THADA: variants seen among roughly 807,000 people sequenced by gnomAD.
THADA encodes THADA armadillo repeat containing, also known as tRNA (32-2'-O)-methyltransferase regulator THADA.
A neutral mutation model predicts 219.8 loss-of-function variants in THADA; 213 were observed. That is an observed-to-expected ratio of 0.97 (90% CI 0.87 to 1.09). The LOEUF is 1.09. Ranked by LOEUF, THADA falls within the 50% of genes least tolerant of loss-of-function variation. The pLI is 0.00. For missense variants in THADA, 2,956 were observed against 2,311.3 expected, an observed-to-expected ratio of 1.28 and a Z score of -5.72; for synonymous variants, 1,018 against 828.9, an observed-to-expected ratio of 1.23 and a Z score of -3.92.
Position 43,333,985 on chromosome 2 carries a change from GCT to G in THADA, c.4343+10135_4343+10136del, listed in dbSNP as rs533710626. ...TAAATTTGGTGGTGAGAAAATAAAT[GCT>G]GTTTTCAGCTGTTGTAAAGCAAAAT... is the stretch of plus-strand genomic sequence containing the variant. On this transcript the variant is annotated intron_variant, in intron 30 of 37. Transcript: ENST00000405975. 1.3e-3 allele frequency among the ~76,000 whole-genome samples: 199 copies of G among 152,292 alleles called. 1 individual carries two copies. The highest frequency in any genetic ancestry group is 4.5e-3 in the African/African-American group (188 of 41,568).
At chr2:43,453,817 A>G (rs1682657958) in intron 26 of THADA, among the ~76,000 whole-genome samples, 1 of 152,234 alleles carries the variant, frequency 6.6e-6, no homozygotes, top group South Asian at 2.1e-4. Flanking sequence ...AAAATCGTTT[A>G]AAGACTGAAG....
chr2:43,328,282 C>G (rs1463786037), intron 30 of THADA, among the ~76,000 whole-genome samples: 3 of 152,170 alleles, frequency 2.0e-5, no homozygotes, highest in African/African-American at 7.2e-5. Context: ...CATGCAGGGC[C>G]AGCTGGCAGA....
chr2:43,558,848 T>G (rs1697712686), intron 16 of THADA, among the ~76,000 whole-genome samples: 1 of 152,220 alleles, frequency 6.6e-6, no homozygotes, highest in African/African-American at 2.4e-5. Flanking sequence ...TTCCTTTAAC[T>G]ATTTTACTAA....
intron 30 of THADA, among the ~76,000 whole-genome samples, chr2:43,327,858 T>C (rs1358836495): frequency 6.6e-6 from 1 of 152,236 alleles, no homozygotes; most frequent in Admixed American, 6.5e-5. Flanking sequence ...ATACGCTGAA[T>C]GGCTGTCTGA....
intron 32 of THADA, 108 bp downstream of exon 32, chr2:43,292,726 C>T: frequency 1.4e-6 from 2 of 1,380,788 alleles, no homozygotes; most frequent in Non-Finnish European, 2.0e-6. Context: ...CTTCCTATTG[C>T]CCCTGGAGAG....
intron 29 of THADA, among the ~76,000 whole-genome samples, chr2:43,348,823 C>T (rs1667935057): frequency 6.6e-6 from 1 of 152,160 alleles, no homozygotes; most frequent in Non-Finnish European, 1.5e-5. Context: ...GTGATGACTG[C>T]TTTACTTAGG....
intron 31 of THADA, among the ~76,000 whole-genome samples, chr2:43,310,956 C>G (rs1677434274): frequency 6.6e-6 from 1 of 152,164 alleles, no homozygotes; most frequent in Non-Finnish European, 1.5e-5. Flanking sequence ...GCAGGCAGAT[C>G]ACCTGAGGTA....
At chr2:43,585,450 T>C (rs991184989) in intron 7 of THADA, among the ~76,000 whole-genome samples, 3 of 147,132 alleles carry the variant, frequency 2.0e-5, no homozygotes, top group Non-Finnish European at 3.0e-5. Flanking sequence ...CCCAGGGAGG[T>C]AGAGGTGCAG....
rs111413513 is a variant in THADA at position 43,571,586 on chromosome 2, C to A, written c.2064+121G>T. ...CAGGTCACAGAACGGCCGTCATGAA[C>A]AGATGTGGTAGCCCAATTCCATGAC... On this transcript the variant is annotated intron_variant, in intron 13 of 37. Coordinates refer to ENST00000405975, the MANE Select transcript of THADA (RefSeq NM_022065.5). 4 of 910,748 alleles carry A rather than the reference C, an allele frequency of 4.4e-6. No homozygotes were observed. In the African/African-American group the frequency reaches 5.0e-5, roughly 11 times the overall value. The allele number at this position is 910,748 out of a possible 1,614,324, so 56.4% of individuals were successfully genotyped here. A position where few individuals can be genotyped will look rare whatever the true frequency, so the allele number is the denominator to read the frequency against.
chr2:43,312,161 G>C (rs572336499), intron 31 of THADA, among the ~76,000 whole-genome samples: 9 of 151,330 alleles, frequency 5.9e-5, no homozygotes, highest in Non-Finnish European at 1.2e-4. Flanking sequence ...TGAGGCTGCA[G>C]CGAGCCATGA....
intron 36 of THADA, among the ~76,000 whole-genome samples, chr2:43,266,690 G>C (rs1227161656): frequency 6.6e-6 from 1 of 152,158 alleles, no homozygotes; most frequent in Non-Finnish European, 1.5e-5. Context: ...GAAAGGAGGA[G>C]TCTCCTAAAG....
Position 43,548,356 on chromosome 2 carries a change from A to C in THADA, c.3106+854T>G, listed in dbSNP as rs553858140. Among the ~76,000 whole-genome samples the C allele has an allele frequency of 5.3e-5, 8 of 152,310 alleles. No homozygotes were observed. The South Asian group carries it at 1.7e-3, about 32-fold the overall frequency. On this transcript the variant is annotated intron_variant, in intron 20 of 37. Transcript: ENST00000405975. ...GAGGAGGCAGTCTGCCCGTTCTCAG[A>C]TCTCCAGCTGTGTGCTGGGAGAACC...
At chr2:43,269,650 C>A (rs1013716147) in intron 36 of THADA, among the ~76,000 whole-genome samples, 8 of 152,212 alleles carry the variant, frequency 5.3e-5, no homozygotes, top group Non-Finnish European at 7.3e-5. Flanking sequence ...GAATGGGGGC[C>A]TACCTTGATC....
intron 29 of THADA, among the ~76,000 whole-genome samples, chr2:43,349,661 A>C (rs1211655159): frequency 6.6e-6 from 1 of 152,198 alleles, no homozygotes; most frequent in Non-Finnish European, 1.5e-5. Flanking sequence ...CAATAACAGG[A>C]CAAGGTTAGA....
At chr2:43,261,699 G>A (rs1278488061) in intron 36 of THADA, among the ~76,000 whole-genome samples, 1 of 146,148 alleles carries the variant, frequency 6.8e-6, no homozygotes, top group Non-Finnish European at 1.5e-5. Flanking sequence ...GAAATGGCAT[G>A]ATCTCGGCTC....
chr2:43,322,259 T>C lies in THADA; in HGVS notation c.4344-1719A>G, dbSNP rs138259959. Among the ~76,000 whole-genome samples, 812 of 152,076 alleles carry C rather than the reference T, an allele frequency of 5.3e-3. 12 individuals carry two copies. The highest frequency in any genetic ancestry group is 0.018 in the African/African-American group (758 of 41,502). The stretch of plus-strand genomic sequence containing the variant: ...TGGCTCACGTCTGTAATCCCAGCAC[T>C]TTGGGAGGCTGAGGTGGGTGGATCA... On this transcript the variant is annotated intron_variant, in intron 30 of 37. Coordinates refer to ENST00000405975, the MANE Select transcript of THADA (RefSeq NM_022065.5).
intron 26 of THADA, among the ~76,000 whole-genome samples, chr2:43,438,916 GTCTC>G (rs1201515950): frequency 6.6e-6 from 1 of 152,046 alleles, no homozygotes; most frequent in South Asian, 2.1e-4. Context: ...AATGAATGTG[GTCTC>G]TCTCTATATA....
In THADA at chr2:43,528,041, G is replaced by A. The variant is rs985916661; in HGVS notation, c.3265-53C>T. ...CCGATTTATGTTTACATTCGCAAGTGTATTTATATCAGTAACACTGTTTAG... is the reference window on the plus strand; with the variant it reads ...CCGATTTATGTTTACATTCGCAAGTATATTTATATCAGTAACACTGTTTAG... On this transcript the variant is annotated intron_variant, in intron 21 of 37. Transcript: ENST00000405975. The A allele has an allele frequency of 1.3e-5, 16 of 1,225,050 alleles. No homozygotes were observed. In the South Asian group the frequency reaches 1.8e-4, roughly 14 times the overall value. The allele number at this position is 1,225,050 out of a possible 1,614,324, so 75.9% of individuals were successfully genotyped here.
At position 43,381,736 on chromosome 2, in the gene THADA, G is replaced by A. The variant is rs535549443; in HGVS notation, c.4227+16235C>T. On this transcript the variant is annotated intron_variant, in intron 29 of 37. Coordinates refer to ENST00000405975, the MANE Select transcript of THADA (RefSeq NM_022065.5). ...TGAGATTACAGGTGTGTGCCACCAC[G>A]CCCAGCTAATTTTTGCATTTTTAGT... Among the ~76,000 whole-genome samples the A allele has an allele frequency of 2.0e-5, 3 of 152,010 alleles. No individual in the cohort carries two copies. In the South Asian group the frequency reaches 6.3e-4, roughly 32 times the overall value.
Sources: gnomAD v4.1 joint callset for allele counts (sites outside exome capture counted in the v4.1 genomes callset) on GRCh38, gnomAD v4.1.1 for gene constraint, MANE v1.5 for transcripts, NCBI Gene and HGNC (gene_info 2026-07-23, HGNC 2026-07-21) for gene names.